The following VKORC1L1 variants were observed in gnomAD, a reference collection of about 807,000 sequenced individuals.
VKORC1L1 encodes vitamin K epoxide reductase complex subunit 1L1.
In VKORC1L1, 2 loss-of-function variants were observed where a neutral mutation model predicts 18.9. The observed-to-expected ratio is 0.11, with a 90% CI of 0.04 to 0.33. The LOEUF (loss-of-function observed/expected upper bound fraction) is 0.33, where lower values mean the gene tolerates loss of function less well. Ranked by LOEUF, VKORC1L1 falls within the 10% of genes least tolerant of loss-of-function variation. The pLI is 1.00. For synonymous variants in VKORC1L1, 96 were observed against 100.0 expected (o/e 0.96, Z 0.24); for missense variants, 123 against 224.1 (o/e 0.55, Z 2.88).
intron 1 of VKORC1L1, among the ~76,000 whole-genome samples, chr7:65,902,554 A>G (rs755930692): frequency 6.6e-6 from 1 of 152,192 alleles, no homozygotes; most frequent in Non-Finnish European, 1.5e-5. Flanking sequence ...GAGCCCCAGA[A>G]AAGAGGGAAA....
intron 1 of VKORC1L1, among the ~76,000 whole-genome samples, chr7:65,937,082 C>T (rs1789956099): frequency 6.6e-6 from 1 of 152,164 alleles, no homozygotes; most frequent in African/African-American, 2.4e-5. Flanking sequence ...TTGTCCTCAT[C>T]CTCTGGCCAG....
intron 1 of VKORC1L1, among the ~76,000 whole-genome samples, chr7:65,915,316 C>A (rs1444214047): frequency 6.6e-6 from 1 of 151,872 alleles, no homozygotes; most frequent in Non-Finnish European, 1.5e-5. Context: ...TAGTCTCGAT[C>A]TCCTGACCTC....
chr7:65,924,946 A>ATCACCTTCATGGGTGCTTTCCC (rs1227281143), intron 1 of VKORC1L1, among the ~76,000 whole-genome samples: 2 of 151,930 alleles, frequency 1.3e-5, no homozygotes, highest in Non-Finnish European at 2.9e-5. Flanking sequence ...GCTGTTTTCC[A>ATCACCTTCATGGGTGCTTTCCC]TCACCTTCAT....
chr7:65,902,108 C>T (rs765771632), intron 1 of VKORC1L1, among the ~76,000 whole-genome samples: 2 of 152,134 alleles, frequency 1.3e-5, no homozygotes, highest in South Asian at 2.1e-4. Flanking sequence ...ACACAAAACT[C>T]ATAGTGTTTG....
intron 1 of VKORC1L1, among the ~76,000 whole-genome samples, chr7:65,936,266 G>T (rs1315734351): frequency 4.0e-5 from 6 of 151,892 alleles, no homozygotes; most frequent in African/African-American, 1.5e-4. Flanking sequence ...TCCAGCATCT[G>T]TGTCATCTCA....
intron 1 of VKORC1L1, among the ~76,000 whole-genome samples, chr7:65,901,956 C>T (rs965635900): frequency 2.0e-5 from 3 of 152,018 alleles, no homozygotes; most frequent in Non-Finnish European, 2.9e-5. Flanking sequence ...CTAAATTCGC[C>T]CTAATTTAAA....
At chr7:65,922,357 C>T (rs554997668) in intron 1 of VKORC1L1, among the ~76,000 whole-genome samples, 2 of 151,742 alleles carry the variant, frequency 1.3e-5, no homozygotes, top group Non-Finnish European at 2.9e-5. Flanking sequence ...CTTGGCTGAC[C>T]GCAACCTCTG....
At chr7:65,871,336 C>T (rs1333029676), upstream of VKORC1L1, among the ~76,000 whole-genome samples, 1 of 152,128 alleles carries the variant, frequency 6.6e-6, no homozygotes, top group East Asian at 1.9e-4. Context: ...GCTGGGTTTA[C>T]AGGCATGTGC....
rs902864673 is a variant in VKORC1L1 at position 65,954,916 on chromosome 7, C to T, written c.*616C>T. On this transcript the variant is annotated 3_prime_UTR_variant, in exon 3 of 3. Transcript: ENST00000360768. Reference sequence around the variant, plus strand: ...GGAGATAGTGAAAATAGCCTATACACAGCATCTTGTGAAAAGTACTGGCAG... The same window carrying T: ...GGAGATAGTGAAAATAGCCTATACATAGCATCTTGTGAAAAGTACTGGCAG... 1 of 152,436 alleles carries T rather than the reference C, an allele frequency of 6.6e-6. No homozygotes were observed. Among genetic ancestry groups the T allele is most frequent in the African/African-American group, 2.4e-5 (1 of 41,424 alleles). The allele number at this position is 152,436 out of a possible 1,614,324, so 9.4% of individuals were successfully genotyped here.
At chr7:65,884,557 C>A (rs1403737411) in intron 1 of VKORC1L1, among the ~76,000 whole-genome samples, 1 of 152,070 alleles carries the variant, frequency 6.6e-6, no homozygotes, top group African/African-American at 2.4e-5. Flanking sequence ...GAATTGCTTG[C>A]ACTGGGGAGG....
chr7:65,908,945 T>C lies in VKORC1L1; in HGVS notation c.194+35380T>C, dbSNP rs1789453681. Among the ~76,000 whole-genome samples, 3 of 151,132 alleles carry C rather than the reference T, an allele frequency of 2.0e-5. No individual in the cohort carries two copies. In the South Asian group the frequency reaches 6.3e-4, roughly 32 times the overall value. ...ACATGTAAAATACAAGCTCATGTAA[T>C]TTATTCAGCTGAATTACGTTTTAAT... On this transcript the variant is annotated intron_variant, in intron 1 of 2. Coordinates refer to ENST00000360768, the MANE Select transcript of VKORC1L1 (RefSeq NM_173517.6).
At chr7:65,896,902 G>A (rs1465188607) in intron 1 of VKORC1L1, among the ~76,000 whole-genome samples, 1 of 152,136 alleles carries the variant, frequency 6.6e-6, no homozygotes, top group Non-Finnish European at 1.5e-5. Flanking sequence ...GGGATGCTGA[G>A]GCAAGAGGAT....
At chr7:65,945,664 A>T (rs1790109549) in intron 1 of VKORC1L1, among the ~76,000 whole-genome samples, 1 of 151,970 alleles carries the variant, frequency 6.6e-6, no homozygotes, top group Non-Finnish European at 1.5e-5. Context: ...TGCCTCTGGG[A>T]TGAGAACTGA....
chr7:65,941,804 T>C (rs1790039124), intron 1 of VKORC1L1, among the ~76,000 whole-genome samples: 1 of 150,448 alleles, frequency 6.6e-6, no homozygotes, highest in Admixed American at 6.7e-5. Context: ...GCCTCCCAAG[T>C]AGCTGGGACT....
At chr7:65,910,812 CA>C (rs1789490532) in intron 1 of VKORC1L1, among the ~76,000 whole-genome samples, 1 of 152,110 alleles carries the variant, frequency 6.6e-6, no homozygotes. Context: ...TTCATTTTAG[CA>C]ATCCAAAGTG....
intron 1 of VKORC1L1, among the ~76,000 whole-genome samples, chr7:65,911,219 T>A (rs1472839413): frequency 1.3e-5 from 2 of 152,208 alleles, no homozygotes; most frequent in Non-Finnish European, 2.9e-5. Flanking sequence ...AACTGAAGCT[T>A]GTTTATCCAT....
At chr7:65,902,851 TTTTA>T (rs147563570) in intron 1 of VKORC1L1, among the ~76,000 whole-genome samples, 25,897 of 151,122 alleles carry the variant, frequency 0.17, 2,361 homozygotes, top group Middle Eastern at 0.29. Context: ...ACATCTTTAA[TTTTA>T]TTTATTTATT....
At position 65,956,520 on chromosome 7, in the gene VKORC1L1, T is replaced by C. The variant is rs1291014518; in HGVS notation, c.*2220T>C. 6.6e-6 allele frequency: 1 copy of C among 152,198 alleles called. No individual in the cohort carries two copies. The highest frequency in any genetic ancestry group is 1.5e-5 in the Non-Finnish European group (1 of 68,018). The allele number at this position is 152,198 out of a possible 1,614,324, so 9.4% of individuals were successfully genotyped here. A position where few individuals can be genotyped will look rare whatever the true frequency, so the allele number is the denominator to read the frequency against. On this transcript the variant is annotated 3_prime_UTR_variant, in exon 3 of 3. Transcript: ENST00000360768. ...AGTTTTTCCTTTGCTTTTCTAAGCCTCGGGGAAACCACTGTTTCAGTTGTA... is the reference window on the plus strand; with the variant it reads ...AGTTTTTCCTTTGCTTTTCTAAGCCCCGGGGAAACCACTGTTTCAGTTGTA...
chr7:65,876,733 T>C (rs1418958154), intron 1 of VKORC1L1, among the ~76,000 whole-genome samples: 1 of 152,146 alleles, frequency 6.6e-6, no homozygotes, highest in Non-Finnish European at 1.5e-5. Context: ...CAGTTTCTTA[T>C]GTTAAATAGG....
Sources: allele counts gnomAD v4.1 joint callset (sites outside exome capture counted in the v4.1 genomes callset), GRCh38; gene constraint gnomAD v4.1.1; transcripts MANE v1.5; gene names NCBI Gene and HGNC (gene_info 2026-07-23, HGNC 2026-07-21).